Variants in NR1H4 observed in about 807,000 individuals in gnomAD.
NR1H4 encodes nuclear receptor subfamily 1 group H member 4, also known as bile acid receptor.
NR1H4 carries 23 observed loss-of-function variants against 58.5 expected under a neutral mutation model. The observed-to-expected ratio is 0.39, with a 90% confidence interval of 0.28 to 0.56. The LOEUF is 0.56. NR1H4 is among the 20% of genes least tolerant of loss of function. NR1H4 has a pLI of 0.58. For missense variants in NR1H4, 487 were observed against 576.9 expected (o/e 0.84, Z 1.60); for synonymous variants, 214 against 198.0 (o/e 1.08, Z -0.68).
chr12:100,560,660 T>C (rs1286209984), intron 9 of NR1H4, among the ~76,000 whole-genome samples: 2 of 152,204 alleles, frequency 1.3e-5, no homozygotes, highest in African/African-American at 4.8e-5. Context: ...GGCTTCATTC[T>C]TGAAGTCAGT....
At chr12:100,501,310 G>A (rs1451809534) in intron 3 of NR1H4, among the ~76,000 whole-genome samples, 1 of 152,070 alleles carries the variant, frequency 6.6e-6, no homozygotes, top group African/African-American at 2.4e-5. Context: ...GGGATTGTGA[G>A]GAAGGGAGAA....
intron 9 of NR1H4, among the ~76,000 whole-genome samples, chr12:100,541,769 G>A (rs912570322): frequency 2.6e-5 from 4 of 151,612 alleles, no homozygotes; most frequent in African/African-American, 7.3e-5. Flanking sequence ...GCTAATTTTT[G>A]TATTTTTAGT....
chr12:100,478,462 A>G (rs1399174017), intron 1 of NR1H4, among the ~76,000 whole-genome samples: 1 of 152,236 alleles, frequency 6.6e-6, no homozygotes, highest in Non-Finnish European at 1.5e-5. Context: ...AGTTGAGGAC[A>G]GGAAATGATA....
rs534004032 is a variant in NR1H4, at chr12:100,481,722, GGCTAACACGGTGAA to G, written c.-190+7664_-190+7677del. ...GAGGTCAGGAGATCGAGACCATCCT[GGCTAACACGGTGAA>G]ACCCCATCTCTACTAAAAATACAAA... On this transcript the variant is annotated intron_variant, in intron 1 of 10. Coordinates refer to ENST00000392986, the MANE Select transcript of NR1H4 (RefSeq NM_001206979.2). 3.4e-4 allele frequency among the ~76,000 whole-genome samples: 52 copies of G among 152,138 alleles called. 1 individual carries two copies. In the East Asian group the frequency reaches 7.0e-3, roughly 20 times the overall value.
At chr12:100,558,449 C>T (rs1248103602) in intron 9 of NR1H4, among the ~76,000 whole-genome samples, 1 of 151,976 alleles carries the variant, frequency 6.6e-6, no homozygotes, top group African/African-American at 2.4e-5. Context: ...GCCTCAACCT[C>T]CAGGCTTAAG....
At chr12:100,488,478 T>A (rs1298448769) in intron 1 of NR1H4, among the ~76,000 whole-genome samples, 2 of 152,154 alleles carry the variant, frequency 1.3e-5, no homozygotes, top group Admixed American at 6.5e-5. Context: ...AATCCTGAAA[T>A]TTTAAAAAAA....
intron 9 of NR1H4, 44 bp downstream of exon 9, chr12:100,540,862 A>G (rs1954919359): frequency 1.2e-6 from 2 of 1,602,278 alleles, no homozygotes; most frequent in African/African-American, 2.7e-5. Context: ...TTCTAGGAGT[A>G]AAATTGGTGT....
At chr12:100,533,846 A>G (rs1954750130) in intron 5 of NR1H4, among the ~76,000 whole-genome samples, 1 of 152,130 alleles carries the variant, frequency 6.6e-6, no homozygotes, top group Non-Finnish European at 1.5e-5. Context: ...AGGACGTTAA[A>G]TGGGATGAAG....
At chr12:100,560,772 A>G (rs957514774) in intron 9 of NR1H4, among the ~76,000 whole-genome samples, 1 of 152,236 alleles carries the variant, frequency 6.6e-6, no homozygotes, top group Non-Finnish European at 1.5e-5. Context: ...AGGCAACTGC[A>G]GTAATCCAGA....
chr12:100,520,113 C>A (rs1397304167), intron 4 of NR1H4, among the ~76,000 whole-genome samples: 1 of 152,118 alleles, frequency 6.6e-6, no homozygotes, highest in East Asian at 1.9e-4. Context: ...AGCTGCTCAG[C>A]CAACCTGGTT....
chr12:100,482,402 AT>A (rs1206476782), intron 1 of NR1H4, among the ~76,000 whole-genome samples: 2 of 152,122 alleles, frequency 1.3e-5, no homozygotes, highest in African/African-American at 4.8e-5. Flanking sequence ...AAAGGTGGTT[AT>A]CTAGTAAGGT....
chr12:100,523,986 A>G (rs1016232833), intron 4 of NR1H4, among the ~76,000 whole-genome samples: 1 of 152,226 alleles, frequency 6.6e-6, no homozygotes, highest in Non-Finnish European at 1.5e-5. Flanking sequence ...AAATCAGTAA[A>G]AGAGTATCGA....
intron 3 of NR1H4, among the ~76,000 whole-genome samples, chr12:100,509,608 A>G (rs1010092819): frequency 6.6e-6 from 1 of 152,208 alleles, no homozygotes. Context: ...GTTTTATTAG[A>G]AGAAGACTGC....
chr12:100,488,662 G>A (rs1430684411), intron 1 of NR1H4, among the ~76,000 whole-genome samples: 1 of 152,068 alleles, frequency 6.6e-6, no homozygotes, highest in Non-Finnish European at 1.5e-5. Context: ...ACTTGAGGAA[G>A]AACAGGAATG....
intron 1 of NR1H4, among the ~76,000 whole-genome samples, chr12:100,482,183 C>T (rs1843764411): frequency 6.6e-6 from 1 of 152,092 alleles, no homozygotes; most frequent in South Asian, 2.1e-4. Context: ...TAAAATGGTT[C>T]CCATGGGGAG....
rs546894348 is a variant in NR1H4, at chr12:100,503,116, C to T, written c.80-7662C>T. 2.0e-4 allele frequency among the ~76,000 whole-genome samples: 31 copies of T among 152,222 alleles called. 1 individual carries two copies. Among genetic ancestry groups the T allele is most frequent in the Middle Eastern group, 6.8e-3 (2 of 294 alleles). On this transcript the variant is annotated intron_variant, in intron 3 of 10. Transcript: ENST00000392986. ...TTTGATGGGGACAAATGTCAGGACC[C>T]GGAGCATGGCACTTGACCTCCAAGT...
At chr12:100,558,780 G>A (rs144778122) in intron 9 of NR1H4, among the ~76,000 whole-genome samples, 7 of 152,312 alleles carry the variant, frequency 4.6e-5, no homozygotes, top group Non-Finnish European at 7.4e-5. Context: ...ACAAGTGGCC[G>A]AGGTGGCTAG....
chr12:100,475,290 C>T (rs984459592), intron 1 of NR1H4, among the ~76,000 whole-genome samples: 3 of 152,052 alleles, frequency 2.0e-5, no homozygotes, highest in Non-Finnish European at 4.4e-5. Flanking sequence ...CGTTCCTACC[C>T]CCAGTCCTCC....
chr12:100,520,070 G>A (rs927567966), intron 4 of NR1H4, among the ~76,000 whole-genome samples: 5 of 152,132 alleles, frequency 3.3e-5, no homozygotes, highest in South Asian at 2.1e-4. Flanking sequence ...GCATATCAGA[G>A]GACCAATGCC....
Sources: allele counts gnomAD v4.1 joint callset (sites outside exome capture counted in the v4.1 genomes callset), GRCh38; gene constraint gnomAD v4.1.1; transcripts MANE v1.5; gene names NCBI Gene and HGNC (gene_info 2026-07-23, HGNC 2026-07-21).